Variants in AGMO observed in about 807,000 individuals in gnomAD.
AGMO encodes the protein alkylglycerol monooxygenase, also known as glyceryl-ether monooxygenase.
AGMO carries 75 observed loss-of-function variants against 60.2 expected under a neutral mutation model. That is an observed-to-expected ratio of 1.25 (90% CI 1.03 to 1.51). The LOEUF (loss-of-function observed/expected upper bound fraction) is 1.51. AGMO is among the 40% of genes most tolerant of loss of function. The probability of loss-of-function intolerance (pLI) is 0.00; values close to 1 mark genes in which losing one functional copy is unlikely to be tolerated. For synonymous variants in AGMO, 261 were observed against 177.1 expected (o/e 1.47, Z -3.76); for missense variants, 763 against 525.5 (o/e 1.45, Z -4.42).
intron 3 of AGMO, among the ~76,000 whole-genome samples, chr7:15,542,302 T>G (rs114523518): frequency 6.6e-6 from 1 of 152,170 alleles, no homozygotes; most frequent in East Asian, 1.9e-4. Context: ...CCAGAAGGTT[T>G]TCAAAATTTT....
At chr7:15,252,633 G>A (rs1056656451) in intron 12 of AGMO, among the ~76,000 whole-genome samples, 3 of 152,122 alleles carry the variant, frequency 2.0e-5, no homozygotes, top group African/African-American at 4.8e-5. Context: ...CCTCAGATAC[G>A]ACCACAGCTC....
At chr7:15,497,908 C>T (rs1408028793) in intron 3 of AGMO, among the ~76,000 whole-genome samples, 1 of 151,926 alleles carries the variant, frequency 6.6e-6, no homozygotes, top group East Asian at 1.9e-4. Context: ...AGACCAATGC[C>T]TCAACAAAAA....
chr7:15,465,233 C>A (rs1045695314), intron 3 of AGMO, among the ~76,000 whole-genome samples: 1 of 151,916 alleles, frequency 6.6e-6, no homozygotes, highest in African/African-American at 2.4e-5. Context: ...AGGACCAACC[C>A]ATGCCACTCC....
At chr7:15,210,488 A>G (rs542935280) in intron 12 of AGMO, among the ~76,000 whole-genome samples, 72 of 152,274 alleles carry the variant, frequency 4.7e-4, no homozygotes, top group South Asian at 2.5e-3. Context: ...GAAATTTTAA[A>G]TAACTCATTC....
At chr7:15,311,372 G>C (rs1176063122) in intron 12 of AGMO, among the ~76,000 whole-genome samples, 1 of 151,980 alleles carries the variant, frequency 6.6e-6, no homozygotes, top group Non-Finnish European at 1.5e-5. Context: ...GCCAGGTTGG[G>C]AATCTAACAG....
At chr7:15,306,783 T>G (rs1780627587) in intron 12 of AGMO, among the ~76,000 whole-genome samples, 1 of 152,056 alleles carries the variant, frequency 6.6e-6, no homozygotes, top group East Asian at 1.9e-4. Context: ...TTCTACTTTA[T>G]TATGCTAAGT....
the AGMO span, among the ~76,000 whole-genome samples, chr7:15,191,194 A>G: frequency 1.1e-4 from 16 of 152,204 alleles, no homozygotes; most frequent in African/African-American, 3.4e-4. Context: ...GTTTCTTTAT[A>G]GAGTGGGAAA....
intron 4 of AGMO, among the ~76,000 whole-genome samples, chr7:15,425,522 C>T (rs776824520): frequency 7.9e-5 from 12 of 151,558 alleles, no homozygotes; most frequent in Non-Finnish European, 1.8e-4. Context: ...GTAGCCTCAA[C>T]CTCCAGGGAC....
At chr7:15,397,209 G>A (rs1249679766) in intron 5 of AGMO, among the ~76,000 whole-genome samples, 2 of 152,294 alleles carry the variant, frequency 1.3e-5, no homozygotes, top group South Asian at 2.1e-4. Context: ...CCGCCGTCCT[G>A]GCCTACGACC....
chr7:15,339,926 A>G (rs1337817715), intron 12 of AGMO, among the ~76,000 whole-genome samples: 1 of 152,226 alleles, frequency 6.6e-6, no homozygotes, highest in Non-Finnish European at 1.5e-5. Context: ...ACAATGTTAC[A>G]TTTATAATTC....
intron 12 of AGMO, among the ~76,000 whole-genome samples, chr7:15,232,208 A>G (rs1461243923): frequency 6.6e-6 from 1 of 152,188 alleles, no homozygotes; most frequent in Non-Finnish European, 1.5e-5. Flanking sequence ...CTCACTCTGT[A>G]CAACAGTATC....
intron 12 of AGMO, among the ~76,000 whole-genome samples, chr7:15,362,973 T>C (rs1287201405): frequency 6.6e-6 from 1 of 152,216 alleles, no homozygotes; most frequent in Admixed American, 6.5e-5. Flanking sequence ...TTAATAGTTA[T>C]GTGCATTTAG....
At chr7:15,358,633 G>T (rs1417267925) in intron 12 of AGMO, among the ~76,000 whole-genome samples, 1 of 152,024 alleles carries the variant, frequency 6.6e-6, no homozygotes, top group Non-Finnish European at 1.5e-5. Context: ...GCTTAGCAGG[G>T]ACTTCTGAAC....
At chr7:15,551,016 C>G (rs867102387) in intron 2 of AGMO, among the ~76,000 whole-genome samples, 3,691 of 144,942 alleles carry the variant, frequency 0.025, 162 homozygotes, top group African/African-American at 0.09. Flanking sequence ...GTTCAATATA[C>G]GCAAATCAAT....
At chr7:15,357,799 G>GC (rs1245804324) in intron 12 of AGMO, among the ~76,000 whole-genome samples, 2 of 152,166 alleles carry the variant, frequency 1.3e-5, no homozygotes, top group African/African-American at 4.8e-5. Flanking sequence ...GAATGAGTAG[G>GC]CCCAGGTGAA....
intron 2 of AGMO, among the ~76,000 whole-genome samples, chr7:15,550,597 C>T (rs1347951049): frequency 1.3e-5 from 2 of 151,698 alleles, no homozygotes; most frequent in Non-Finnish European, 1.5e-5. Context: ...GACACATACA[C>T]TCTCCCAAGA....
intron 3 of AGMO, among the ~76,000 whole-genome samples, chr7:15,513,418 A>G (rs987301151): frequency 6.6e-6 from 1 of 151,936 alleles, no homozygotes; most frequent in African/African-American, 2.4e-5. Flanking sequence ...TATTTCTTCT[A>G]TTTCCCCAGA....
At chr7:15,304,561 G>A (rs1416430671) in intron 12 of AGMO, among the ~76,000 whole-genome samples, 2 of 152,032 alleles carry the variant, frequency 1.3e-5, no homozygotes, top group Admixed American at 6.6e-5. Context: ...AAAGATTTGG[G>A]TTTGTCAAGT....
chr7:15,521,367 C>T (rs13438499), intron 3 of AGMO, among the ~76,000 whole-genome samples: 120,108 of 152,058 alleles, frequency 0.79, 47,578 homozygotes, highest in East Asian at 0.97. Context: ...ATCATCCTGA[C>T]ACCAAAACCT....
Sources: gnomAD v4.1 joint callset for allele counts (sites outside exome capture counted in the v4.1 genomes callset) on GRCh38, gnomAD v4.1.1 for gene constraint, MANE v1.5 for transcripts, NCBI Gene and HGNC (gene_info 2026-07-23, HGNC 2026-07-21) for gene names.